Variants in PHLPP2 observed in about 807,000 individuals in gnomAD.
PHLPP2 encodes the protein PH domain and leucine rich repeat protein phosphatase 2.
A neutral mutation model predicts 124.9 loss-of-function variants in PHLPP2; 66 were observed. That is an observed-to-expected ratio of 0.53 (90% CI 0.43 to 0.65). PHLPP2 has a LOEUF of 0.65. PHLPP2 is among the 30% of genes least tolerant of loss of function. The pLI is 0.00. For missense variants in PHLPP2, 1,685 were observed against 1,600.4 expected, an observed-to-expected ratio of 1.05 and a Z score of -0.90; for synonymous variants, 681 against 624.7, an observed-to-expected ratio of 1.09 and a Z score of -1.34.
At chr16:71,704,097 C>T (rs373083066) in intron 2 of PHLPP2, among the ~76,000 whole-genome samples, 28 of 151,810 alleles carry the variant, frequency 1.8e-4, no homozygotes, top group East Asian at 1.5e-3. Context: ...CTGAGGCGGG[C>T]GGATCACGAG....
At chr16:71,715,848 T>C (rs1316527394) in intron 1 of PHLPP2, among the ~76,000 whole-genome samples, 1 of 148,854 alleles carries the variant, frequency 6.7e-6, no homozygotes, top group Non-Finnish European at 1.5e-5. Context: ...AACAAAAAAT[T>C]AGCCGAGTGT....
rs150502386 is a variant in PHLPP2, at chr16:71,713,632, C to T, written c.284+880G>A. 4.3e-3 allele frequency among the ~76,000 whole-genome samples: 660 copies of T among 152,160 alleles called. 11 individuals are homozygous for T. The highest frequency in any genetic ancestry group is 0.015 in the African/African-American group (639 of 41,470). ...ACTCAAAATTGAACACTACTGCAGC[C>T]ATTAAATAAGTGACAACTATATAAA... On this transcript the variant is annotated intron_variant, in intron 2 of 18. Coordinates refer to ENST00000568954, the MANE Select transcript of PHLPP2 (RefSeq NM_015020.3).
chr16:71,661,942 G>T (rs919049648), intron 13 of PHLPP2, among the ~76,000 whole-genome samples: 3 of 152,024 alleles, frequency 2.0e-5, no homozygotes, highest in African/African-American at 4.8e-5. Flanking sequence ...TCCTGCCTCA[G>T]CCTCCCAAGT....
At chr16:71,697,317 T>C (rs1254127817) in intron 3 of PHLPP2, among the ~76,000 whole-genome samples, 2 of 152,098 alleles carry the variant, frequency 1.3e-5, no homozygotes, top group Admixed American at 6.6e-5. Context: ...ACCACAGCCC[T>C]GAGAAGCACA....
At position 71,715,073 on chromosome 16, in the gene PHLPP2, G is replaced by A. The variant is rs185085439; in HGVS notation, c.-6-272C>T. The A allele has an allele frequency of 3.0e-3, 1,280 of 429,114 alleles. 7 individuals are homozygous for A. The highest frequency in any genetic ancestry group is 5.9e-3 in the Middle Eastern group (9 of 1,532). The allele number at this position is 429,114 out of a possible 1,614,324, so 26.6% of individuals were successfully genotyped here. On this transcript the variant is annotated intron_variant, in intron 1 of 18. Transcript: ENST00000568954. The stretch of plus-strand genomic sequence containing the variant: ...AACGTGTCAAGAATAACGAAACAGC[G>A]GGTTGCAGTGGCTCAGGCCTGTAAT...
intron 5 of PHLPP2, among the ~76,000 whole-genome samples, chr16:71,684,069 T>A (rs1444508403): frequency 2.7e-5 from 4 of 148,894 alleles, no homozygotes; most frequent in Non-Finnish European, 6.0e-5. Context: ...TAGGATTACA[T>A]GCATGAGCCA....
intron 3 of PHLPP2, among the ~76,000 whole-genome samples, chr16:71,700,627 G>A (rs538478612): frequency 2.6e-4 from 38 of 147,188 alleles, no homozygotes; most frequent in Admixed American, 2.4e-3. Context: ...CCAGGTTGAC[G>A]CCATTCTCCT....
Position 71,648,624 on chromosome 16 carries a change from T to TA in PHLPP2, c.*265dup, listed in dbSNP as rs1424507723. ...GTCTCTAAAAAAAAAAAATAAAACT[T>TA]AGCCGGGCATAATGGCAGGTGCCTG... On this transcript the variant is annotated 3_prime_UTR_variant, in exon 19 of 19. Transcript: ENST00000568954. 1.1e-5 allele frequency: 5 copies of TA among 450,362 alleles called. No homozygotes were observed. Among genetic ancestry groups the TA allele is most frequent in the Non-Finnish European group, 2.0e-5 (5 of 255,490 alleles). 27.9% of individuals were successfully genotyped at this position (450,362 alleles called of 1,614,324 possible).
At chr16:71,692,755 A>G (rs1042635140) in intron 3 of PHLPP2, among the ~76,000 whole-genome samples, 1 of 152,190 alleles carries the variant, frequency 6.6e-6, no homozygotes, top group African/African-American at 2.4e-5. Flanking sequence ...AATAATCTCT[A>G]GATTACTTAT....
rs757568852 is a variant in PHLPP2 at position 71,723,823 on chromosome 16, C to T, written c.-7+506G>A. On this transcript the variant is annotated intron_variant, in intron 1 of 18. Transcript: ENST00000568954. ...GGCTCGCGGGCGCTTCGGGCGGCTC[C>T]GGGGGCTCCAGCGGGCCCGCGGGCC... 1.2e-5 allele frequency: 15 copies of T among 1,259,616 alleles called. No homozygotes were observed. In the South Asian group the frequency reaches 1.4e-4, roughly 12 times the overall value. 78.0% of individuals were successfully genotyped at this position (1,259,616 alleles called of 1,614,324 possible). A position where few individuals can be genotyped will look rare whatever the true frequency, so the allele number is the denominator to read the frequency against.
At chr16:71,717,959 A>T (rs1411392302) in intron 1 of PHLPP2, among the ~76,000 whole-genome samples, 1 of 152,182 alleles carries the variant, frequency 6.6e-6, no homozygotes, top group East Asian at 1.9e-4. Context: ...TGGCGTGATC[A>T]TAGCCCACGG....
Position 71,681,888 on chromosome 16 carries a change from G to A in PHLPP2, c.753C>T (p.Ile251=). 1 of 1,611,382 alleles carries A rather than the reference G, an allele frequency of 6.2e-7. No individual in the cohort carries two copies. Among genetic ancestry groups the A allele is most frequent in the South Asian group, 1.1e-5 (1 of 90,588 alleles). ...RQASKVVSQR[I]STVDLSCYSL... is the part of the protein sequence containing the mutation. ...TGTAACACGAGAGATCCACGGTACTGATTCGCTGGGACACCACCTGAATAA... is the reference window on the plus strand; with the variant it reads ...TGTAACACGAGAGATCCACGGTACTAATTCGCTGGGACACCACCTGAATAA... Residue 251 remains isoleucine (I), a synonymous_variant, in exon 6 of 19, where the codon ATC becomes ATT. Transcript: ENST00000568954.
chr16:71,694,102 G>A (rs1055700721), intron 3 of PHLPP2, among the ~76,000 whole-genome samples: 9 of 152,150 alleles, frequency 5.9e-5, no homozygotes, highest in Non-Finnish European at 1.0e-4. Context: ...GCTGAGGCAG[G>A]AGAATCGATT....
In PHLPP2 at chr16:71,649,017, A is replaced by G; in HGVS notation, c.3845T>C (p.Val1282Ala). The part of the protein sequence containing the change: ...PTQMEPEDQF[V>A]VPHDLEEEVK... ...TTCTTCTTCCAGGTCATGAGGCACA[A>G]CAAACTGGTCCTCTGGTTCCATCTG... Residue 1282 changes from valine to alanine, a missense_variant, in exon 19 of 19, where the codon GTT (valine) becomes GCT (alanine). Physicochemically the swap from Val to Ala is moderately conservative, Grantham distance 64. Transcript: ENST00000568954. 6.2e-7 allele frequency: 1 copy of G among 1,614,152 alleles called. No homozygotes were observed. Among genetic ancestry groups the G allele is most frequent in the Non-Finnish European group, 8.5e-7 (1 of 1,180,010 alleles).
chr16:71,679,684 A>G, intron 6 of PHLPP2, 149 bp from the exon 7 acceptor site: 1 of 670,376 alleles, frequency 1.5e-6, no homozygotes, highest in Non-Finnish European at 2.5e-6. Flanking sequence ...GCTGCATATC[A>G]AACACTGAGT....
At chr16:71,657,466 C>T (rs1157297136) in intron 15 of PHLPP2, among the ~76,000 whole-genome samples, 1 of 151,668 alleles carries the variant, frequency 6.6e-6, no homozygotes, top group East Asian at 1.9e-4. Flanking sequence ...GTGATCTCTG[C>T]TCATTACAAG....
chr16:71,721,179 A>AAAAC (rs1208657774), intron 1 of PHLPP2, among the ~76,000 whole-genome samples: 1 of 152,020 alleles, frequency 6.6e-6, no homozygotes, highest in Non-Finnish European at 1.5e-5. Flanking sequence ...CTAAAAAAAC[A>AAAAC]AAACAAACAA....
intron 4 of PHLPP2, among the ~76,000 whole-genome samples, chr16:71,686,411 C>A (rs1046502458): frequency 1.3e-5 from 2 of 152,104 alleles, no homozygotes; most frequent in African/African-American, 4.8e-5. Context: ...TAGACTCAAA[C>A]AATTCTCCTG....
intron 4 of PHLPP2, among the ~76,000 whole-genome samples, chr16:71,689,222 A>AT (rs1597006144): frequency 6.6e-6 from 1 of 151,116 alleles, no homozygotes; most frequent in African/African-American, 2.4e-5. Context: ...TTTTATTATT[A>AT]TTTTTTTTAA....
Sources: allele counts gnomAD v4.1 joint callset (sites outside exome capture counted in the v4.1 genomes callset), GRCh38; gene constraint gnomAD v4.1.1; transcripts MANE v1.5; gene names NCBI Gene and HGNC (gene_info 2026-07-23, HGNC 2026-07-21).